SPAG16: variants seen among roughly 807,000 people sequenced by gnomAD.
SPAG16 encodes sperm associated antigen 16.
SPAG16 carries 86 observed loss-of-function variants against 80.4 expected under a neutral mutation model. The ratio of observed to expected loss-of-function variants is 1.07; its 90% CI spans 0.90 to 1.28. The LOEUF (loss-of-function observed/expected upper bound fraction) is 1.28, where lower values mean the gene tolerates loss of function less well. Among genes scored for constraint, SPAG16 ranks in the 50% most tolerant of loss-of-function variants. SPAG16 has a pLI of 0.00. For missense variants in SPAG16, 870 were observed against 765.3 expected (o/e 1.14, Z -1.61); for synonymous variants, 294 against 265.9 (o/e 1.11, Z -1.03).
intron 5 of SPAG16, among the ~76,000 whole-genome samples, chr2:213,339,623 T>G (rs1451167964): frequency 6.6e-6 from 1 of 152,190 alleles, no homozygotes; most frequent in African/African-American, 2.4e-5. Flanking sequence ...AGCTATGAAT[T>G]ATGTAGTAAT....
intron 10 of SPAG16, among the ~76,000 whole-genome samples, chr2:213,658,760 C>T (rs113760879): frequency 0.044 from 6,627 of 152,206 alleles, 465 homozygotes; most frequent in African/African-American, 0.15. Flanking sequence ...AACACTAGGC[C>T]AGGCACTGTG....
intron 15 of SPAG16, among the ~76,000 whole-genome samples, chr2:214,389,477 T>C (rs1474432174): frequency 6.6e-6 from 1 of 152,188 alleles, no homozygotes; most frequent in Non-Finnish European, 1.5e-5. Flanking sequence ...GATACCTTTC[T>C]CTTAGGTGTT....
At chr2:213,346,770 G>T (rs1363058961) in intron 6 of SPAG16, among the ~76,000 whole-genome samples, 2 of 152,136 alleles carry the variant, frequency 1.3e-5, no homozygotes, top group Non-Finnish European at 2.9e-5. Context: ...TGTGCTGCTG[G>T]ATTCGGTTTG....
intron 15 of SPAG16, among the ~76,000 whole-genome samples, chr2:214,375,506 G>A (rs1015239529): frequency 3.3e-5 from 5 of 152,006 alleles, no homozygotes; most frequent in African/African-American, 4.8e-5. Flanking sequence ...GAGAGTGCAC[G>A]CTAGACACCT....
intron 15 of SPAG16, among the ~76,000 whole-genome samples, chr2:214,233,196 A>G (rs1009402573): frequency 2.0e-5 from 3 of 152,118 alleles, no homozygotes; most frequent in African/African-American, 7.2e-5. Flanking sequence ...GGAAATAGAA[A>G]GTGGCACAAG....
At chr2:213,504,981 C>T (rs971992988) in intron 10 of SPAG16, among the ~76,000 whole-genome samples, 3 of 152,214 alleles carry the variant, frequency 2.0e-5, no homozygotes, top group African/African-American at 7.2e-5. Context: ...ACAGTCTTTC[C>T]CCCTCAGACT....
intron 10 of SPAG16, among the ~76,000 whole-genome samples, chr2:213,559,901 T>G (rs1311139563): frequency 1.3e-5 from 2 of 152,238 alleles, no homozygotes; most frequent in East Asian, 3.9e-4. Flanking sequence ...TCTGATAATA[T>G]GCTTTTAATT....
chr2:214,100,863 G>A (rs1429980389), intron 13 of SPAG16, among the ~76,000 whole-genome samples: 1 of 152,052 alleles, frequency 6.6e-6, no homozygotes, highest in African/African-American at 2.4e-5. Flanking sequence ...ATGGGTGCAT[G>A]TGTCTTTATG....
At chr2:213,493,049 A>G (rs2074335839) in intron 10 of SPAG16, among the ~76,000 whole-genome samples, 1 of 152,200 alleles carries the variant, frequency 6.6e-6, no homozygotes, top group South Asian at 2.1e-4. Flanking sequence ...TGGTTAACCC[A>G]AAGGCAAACT....
intron 10 of SPAG16, among the ~76,000 whole-genome samples, chr2:213,742,010 G>GT (rs2067575956): frequency 6.6e-6 from 1 of 151,192 alleles, no homozygotes; most frequent in Non-Finnish European, 1.5e-5. Flanking sequence ...TTATAGTTTT[G>GT]TTTTTTTAAT....
At chr2:214,001,269 A>G (rs914904297) in intron 12 of SPAG16, among the ~76,000 whole-genome samples, 3 of 152,236 alleles carry the variant, frequency 2.0e-5, no homozygotes, top group Admixed American at 2.0e-4. Context: ...TTTTTGAAGG[A>G]AATATATGCC....
At chr2:214,062,101 T>G (rs1042585189) in intron 13 of SPAG16, among the ~76,000 whole-genome samples, 6 of 151,864 alleles carry the variant, frequency 4.0e-5, no homozygotes, top group African/African-American at 1.2e-4. Context: ...TGATCTTTAA[T>G]AGACATCTTA....
intron 12 of SPAG16, among the ~76,000 whole-genome samples, chr2:213,983,061 A>G (rs909175585): frequency 1.3e-5 from 2 of 151,942 alleles, no homozygotes; most frequent in Admixed American, 6.6e-5. Context: ...TTTGGGAGCA[A>G]TGCTGTGGAA....
At chr2:214,059,747 A>ATT (rs11313038) in intron 13 of SPAG16, among the ~76,000 whole-genome samples, 1 of 148,244 alleles carries the variant, frequency 6.7e-6, no homozygotes, top group African/African-American at 2.5e-5. Flanking sequence ...CTTTAAGGTT[A>ATT]TTTTTTTTTT....
chr2:214,042,509 C>T (rs939783712), intron 13 of SPAG16, among the ~76,000 whole-genome samples: 2 of 152,068 alleles, frequency 1.3e-5, no homozygotes, highest in Non-Finnish European at 2.9e-5. Flanking sequence ...GCTTCATATT[C>T]TTTTCTGTGC....
intron 15 of SPAG16, among the ~76,000 whole-genome samples, chr2:214,328,443 G>A (rs4355057): frequency 0.19 from 28,223 of 152,136 alleles, 2,867 homozygotes; most frequent in East Asian, 0.33. Flanking sequence ...GATTACAGGC[G>A]TGAGCCACCA....
At chr2:213,536,939 T>G (rs1028933796) in intron 10 of SPAG16, among the ~76,000 whole-genome samples, 8 of 151,848 alleles carry the variant, frequency 5.3e-5, no homozygotes, top group Admixed American at 4.6e-4. Flanking sequence ...ATAGACTGGA[T>G]TAAGAAAATG....
At chr2:213,871,583 C>T (rs1034612488) in intron 11 of SPAG16, among the ~76,000 whole-genome samples, 45 of 152,018 alleles carry the variant, frequency 3.0e-4, no homozygotes, top group African/African-American at 1.0e-3. Flanking sequence ...GGTCTAATCT[C>T]TTGCATCTGG....
At chr2:214,290,401 C>A (rs1399234969) in intron 15 of SPAG16, among the ~76,000 whole-genome samples, 1 of 62,664 alleles carries the variant, frequency 1.6e-5, no homozygotes, top group Non-Finnish European at 3.1e-5. Flanking sequence ...TTTACTATTT[C>A]TTTCCTTCTG....
Sources: allele counts gnomAD v4.1 joint callset (sites outside exome capture counted in the v4.1 genomes callset), GRCh38; gene constraint gnomAD v4.1.1; transcripts MANE v1.5; gene names NCBI Gene and HGNC (gene_info 2026-07-23, HGNC 2026-07-21).